Variants in CAPN8 observed in about 807,000 individuals in gnomAD.
CAPN8 encodes the protein calpain-8.
In CAPN8, 87 loss-of-function variants were observed where a neutral mutation model predicts 80.9. The observed-to-expected ratio is 1.07, with a 90% CI of 0.90 to 1.28. The LOEUF (loss-of-function observed/expected upper bound fraction) is 1.28. CAPN8 is among the 50% of genes most tolerant of loss of function. CAPN8 has a pLI of 0.00. For synonymous variants in CAPN8, 299 were observed against 273.8 expected, an observed-to-expected ratio of 1.09 and a Z score of -0.91; for missense variants, 757 against 702.0, an observed-to-expected ratio of 1.08 and a Z score of -0.89.
chr1:223,656,184 T>A lies in CAPN8; in HGVS notation c.238-1785A>T, dbSNP rs184411268. On this transcript the variant is annotated intron_variant, in intron 1 of 20. Transcript: ENST00000366872. ...TTTTTTTCCCAAGTATTAAAAAAAATTTTGCTGGGTGCGGTGGCTCACGCC... is the reference window on the plus strand; with the variant it reads ...TTTTTTTCCCAAGTATTAAAAAAAAATTTGCTGGGTGCGGTGGCTCACGCC... Among the ~76,000 whole-genome samples, 184 of 151,658 alleles carry A rather than the reference T, an allele frequency of 1.2e-3. 1 individual carries two copies. Among genetic ancestry groups the A allele is most frequent in the Non-Finnish European group, 1.7e-3 (112 of 67,860 alleles).
At chr1:223,648,243 C>G (rs539470953) in intron 2 of CAPN8, among the ~76,000 whole-genome samples, 1 of 152,312 alleles carries the variant, frequency 6.6e-6, no homozygotes, top group East Asian at 1.9e-4. Flanking sequence ...GAGGAGCCAC[C>G]ACGGGTAGCA....
chr1:223,620,138 C>T, intron 8 of CAPN8, 54 bp downstream of exon 8: 1 of 1,464,200 alleles, frequency 6.8e-7, no homozygotes, highest in Non-Finnish European at 9.4e-7. Context: ...CACATCAGAA[C>T]TGAAAATGGA....
chr1:223,620,507 A>G (rs997638688), intron 7 of CAPN8, among the ~76,000 whole-genome samples: 1 of 152,202 alleles, frequency 6.6e-6, no homozygotes, highest in Non-Finnish European at 1.5e-5. Context: ...CAGGAACATT[A>G]TGACTCAAAC....
chr1:223,628,314 CG>C (rs1413722528), intron 3 of CAPN8, among the ~76,000 whole-genome samples, 172 bp from the exon 4 acceptor site: 9 of 152,308 alleles, frequency 5.9e-5, no homozygotes, highest in Non-Finnish European at 1.2e-4. Context: ...CAGATGAACC[CG>C]GGAACATCTA....
chr1:223,552,138 T>C (rs1003912785), intron 14 of CAPN8, among the ~76,000 whole-genome samples: 1 of 152,216 alleles, frequency 6.6e-6, no homozygotes, highest in East Asian at 1.9e-4. Flanking sequence ...ACTTTCCATC[T>C]TCCCATCCTC....
intron 19 of CAPN8, among the ~76,000 whole-genome samples, chr1:223,543,668 C>A (rs1049722077): frequency 5.3e-5 from 8 of 152,214 alleles, no homozygotes; most frequent in Non-Finnish European, 1.0e-4. Flanking sequence ...GGGCACCCCC[C>A]ATCCCTTCAT....
chr1:223,545,477 C>T lies in CAPN8; in HGVS notation c.1765-178G>A, dbSNP rs191722635. 2.1e-5 allele frequency: 21 copies of T among 1,010,766 alleles called. No individual in the cohort carries two copies. The Admixed American group carries it at 4.6e-4, about 22-fold the overall frequency. The allele number at this position is 1,010,766 out of a possible 1,614,324, so 62.6% of individuals were successfully genotyped here. ...TTCAAATAAAGATTAAAAAGTCAAA[C>T]GTGCACCAAGGCTCTCCTCTGAGGC... On this transcript the variant is annotated intron_variant, in intron 16 of 20. Coordinates refer to ENST00000366872, the MANE Select transcript of CAPN8 (RefSeq NM_001143962.2).
chr1:223,661,845 G>C (rs1163635726), intron 1 of CAPN8, among the ~76,000 whole-genome samples: 1 of 152,116 alleles, frequency 6.6e-6, no homozygotes, highest in African/African-American at 2.4e-5. Flanking sequence ...TGGAAGCAGG[G>C]TCTCAAAGAG....
At chr1:223,649,483 C>T (rs1387760082) in intron 2 of CAPN8, among the ~76,000 whole-genome samples, 1 of 152,220 alleles carries the variant, frequency 6.6e-6, no homozygotes, top group Admixed American at 6.5e-5. Context: ...GGACATCCTT[C>T]CACTGTTAAG....
chr1:223,627,179 A>G (rs1485156990), intron 4 of CAPN8, 22 bp from the exon 5 acceptor site: 1 of 1,551,292 alleles, frequency 6.4e-7, no homozygotes, highest in Non-Finnish European at 8.7e-7. Flanking sequence ...GAAAGAACAC[A>G]TGCTCCATTA....
chr1:223,551,604 G>T (rs1417262968), intron 14 of CAPN8, among the ~76,000 whole-genome samples: 1 of 152,206 alleles, frequency 6.6e-6, no homozygotes, highest in East Asian at 1.9e-4. Context: ...CACAGGGCTC[G>T]CTTGAACAGG....
At chr1:223,648,542 C>T (rs186406549) in intron 2 of CAPN8, among the ~76,000 whole-genome samples, 4 of 152,332 alleles carry the variant, frequency 2.6e-5, no homozygotes. Flanking sequence ...TAGCGGTGTG[C>T]ATGCCAGGCC....
rs547518755 is a variant in CAPN8 at position 223,657,982 on chromosome 1, C to T, written c.238-3583G>A. ...CTCATGCTTGATTTTCTCCTTGCCT[C>T]TCTGAGCATTTCTCCTCAGTCTCCT... is the stretch of plus-strand genomic sequence containing the variant. On this transcript the variant is annotated intron_variant, in intron 1 of 20. Coordinates refer to ENST00000366872, the MANE Select transcript of CAPN8 (RefSeq NM_001143962.2). 5.3e-5 allele frequency among the ~76,000 whole-genome samples: 8 copies of T among 152,204 alleles called. No individual in the cohort carries two copies. In the South Asian group the frequency reaches 1.7e-3, roughly 32 times the overall value.
At chr1:223,617,936 CT>C (rs1657250145) in intron 9 of CAPN8, 1 of 306,164 alleles carries the variant, frequency 3.3e-6, no homozygotes, top group Non-Finnish European at 6.1e-6. Context: ...TCACAGCTGC[CT>C]GAACCGGGAG....
intron 1 of CAPN8, among the ~76,000 whole-genome samples, chr1:223,661,286 A>T (rs1658638713): frequency 6.6e-6 from 1 of 151,588 alleles, no homozygotes; most frequent in Non-Finnish European, 1.5e-5. Context: ...AATGCAAATC[A>T]AAACCACAAT....
At chr1:223,545,462 G>A (rs2102686713) in intron 16 of CAPN8, 163 bp from the exon 17 acceptor site, 3 of 1,156,478 alleles carry the variant, frequency 2.6e-6, no homozygotes, top group Non-Finnish European at 3.6e-6. Flanking sequence ...TTCAAATAAA[G>A]ATTAAAAAGT....
intron 9 of CAPN8, 32 bp from the exon 10 acceptor site, chr1:223,616,177 A>G: frequency 4.6e-6 from 7 of 1,533,870 alleles, no homozygotes; most frequent in Non-Finnish European, 6.2e-6. Context: ...GTGGTTCCCC[A>G]CGTAGCGGGT....
At chr1:223,627,970 G>C in intron 4 of CAPN8, 39 bp downstream of exon 4, 1 of 1,493,762 alleles carries the variant, frequency 6.7e-7, no homozygotes, top group African/African-American at 1.4e-5. Flanking sequence ...CTTTCAGGGA[G>C]GCTCTGGCGT....
intron 16 of CAPN8, among the ~76,000 whole-genome samples, chr1:223,545,899 C>T (rs1332259469): frequency 6.9e-6 from 1 of 143,996 alleles, no homozygotes; most frequent in Non-Finnish European, 1.5e-5. Context: ...TCTCAGCTCA[C>T]TACAACCACT....
Sources: gnomAD v4.1 joint callset for allele counts (sites outside exome capture counted in the v4.1 genomes callset) on GRCh38, gnomAD v4.1.1 for gene constraint, MANE v1.5 for transcripts, NCBI Gene and HGNC (gene_info 2026-07-23, HGNC 2026-07-21) for gene names.